The following CHFR variants were observed in gnomAD, a reference collection of about 807,000 sequenced individuals.
The protein encoded by CHFR is E3 ubiquitin-protein ligase CHFR.
A neutral mutation model predicts 87.6 loss-of-function variants in CHFR; 57 were observed. That is an observed-to-expected ratio of 0.65 (90% CI 0.53 to 0.81). The LOEUF (loss-of-function observed/expected upper bound fraction) is 0.81, where lower values mean the gene tolerates loss of function less well. Among genes scored for constraint, CHFR ranks in the 30% least tolerant of loss-of-function variants. CHFR has a pLI of 0.00. For missense variants in CHFR, 797 were observed against 865.8 expected (o/e 0.92, Z 1.00); for synonymous variants, 381 against 359.2 (o/e 1.06, Z -0.69).
rs374115787 is a variant in CHFR, at chr12:132,846,220, T to C, written c.1735+823A>G. ...CCACACCCACCCTCCCCTACAAGGA[T>C]AGAAGCTGCTGGAATATGTCATACA... is the stretch of plus-strand genomic sequence containing the variant. On this transcript the variant is annotated intron_variant, in intron 15 of 17. Coordinates refer to ENST00000450056, the MANE Select transcript of CHFR (RefSeq NM_001161346.2). Among the ~76,000 whole-genome samples the C allele has an allele frequency of 3.9e-4, 59 of 151,446 alleles. No homozygotes were observed. The East Asian group carries it at 6.5e-3, about 17-fold the overall frequency.
At position 132,848,134 on chromosome 12, in the gene CHFR, C is replaced by A. The variant is rs1233090445; in HGVS notation, c.1598G>T (p.Cys533Phe). 2 of 1,614,152 alleles carry A rather than the reference C, an allele frequency of 1.2e-6. No homozygotes were observed. The highest frequency in any genetic ancestry group is 1.7e-6 in the Non-Finnish European group (2 of 1,180,026). The change falls in exon 14 of 18, where the codon TGT becomes TTT. Residue 533 changes from cysteine (C) to phenylalanine (F), a missense_variant. Transcript: ENST00000450056. Reference sequence around the variant, plus strand: ...GTTGTTGTTCAGCACGCCGTCCAGACACTTGTCACCCAGGTTGAGCTCTGC... The same window carrying A: ...GTTGTTGTTCAGCACGCCGTCCAGAAACTTGTCACCCAGGTTGAGCTCTGC... ...PFCELNLGDK[C>F]LDGVLNNNSY...
At position 132,848,137 on chromosome 12, in the gene CHFR, T is replaced by C; in HGVS notation, c.1595A>G (p.Lys532Arg). The change falls in exon 14 of 18, where the codon AAG (lysine) becomes AGG (arginine). Residue 532 changes from lysine to arginine, a missense_variant. Around this residue, in one of 2 missense-constraint regions of CHFR, gnomAD observed 200 missense variants for 264.6 expected, o/e 0.76. Coordinates refer to ENST00000450056, the MANE Select transcript of CHFR (RefSeq NM_001161346.2). ...GTTGTTCAGCACGCCGTCCAGACAC[T>C]TGTCACCCAGGTTGAGCTCTGCCGA... Reference protein sequence around the residue: ...APFCELNLGDKCLDGVLNNNS... With the variant: ...APFCELNLGDRCLDGVLNNNS... The C allele has an allele frequency of 6.2e-7, 1 of 1,614,106 alleles. No individual in the cohort carries two copies. The highest frequency in any genetic ancestry group is 8.5e-7 in the Non-Finnish European group (1 of 1,180,018).
intron 6 of CHFR, among the ~76,000 whole-genome samples, chr12:132,865,033 G>C (rs1951303292): frequency 6.6e-6 from 1 of 152,194 alleles, no homozygotes; most frequent in Non-Finnish European, 1.5e-5. Flanking sequence ...CTTGGCCCTA[G>C]GGACATGGTA....
chr12:132,849,028 C>A, intron 12 of CHFR: 2 of 295,012 alleles, frequency 6.8e-6, no homozygotes, highest in Non-Finnish European at 1.3e-5. Context: ...CTCACTGCAA[C>A]CTCCGCCTCC....
In CHFR at chr12:132,859,121, C is replaced by T. The variant is rs1352413194; in HGVS notation, c.858G>A (p.Met286Ile). 6.2e-7 allele frequency: 1 copy of T among 1,614,180 alleles called. No individual in the cohort carries two copies. Among genetic ancestry groups the T allele is most frequent in the Admixed American group, 1.7e-5 (1 of 60,018 alleles). ...VRAAAGKPDKMEETLTCIICQ... is the reference protein window; with the variant it reads ...VRAAAGKPDKIEETLTCIICQ... ...AGATGATGCATGTCAGCGTCTCCTC[C>T]ATCTTGTCTGGCTTCCCAGCCGCTG... Residue 286 changes from methionine to isoleucine, a missense_variant, in exon 8 of 18, where the codon ATG (methionine) becomes ATA (isoleucine). Met to Ile is a conservative substitution (Grantham distance 10, BLOSUM62 1). Transcript: ENST00000450056.
chr12:132,863,545 A>C (rs917107805), intron 6 of CHFR, among the ~76,000 whole-genome samples: 4 of 152,240 alleles, frequency 2.6e-5, no homozygotes, highest in South Asian at 2.1e-4. Flanking sequence ...ACAAAAAAAA[A>C]CAGAAGTCTG....
intron 6 of CHFR, chr12:132,866,637 AAATGTTACAACACACCGG>A (rs1392864423): frequency 6.6e-6 from 1 of 151,698 alleles, no homozygotes; most frequent in African/African-American, 2.4e-5. Context: ...GCGTAACACC[AAATGTTACAACACACCGG>A]AATGTTACAA....
At chr12:132,852,604 G>A (rs1950972715) in intron 11 of CHFR, among the ~76,000 whole-genome samples, 1 of 152,230 alleles carries the variant, frequency 6.6e-6, no homozygotes, top group South Asian at 2.1e-4. Flanking sequence ...GGACCCCAGA[G>A]GGAGGCGCTG....
intron 7 of CHFR, among the ~76,000 whole-genome samples, chr12:132,859,801 G>A (rs930282447): frequency 3.3e-5 from 5 of 152,128 alleles, no homozygotes; most frequent in African/African-American, 1.2e-4. Context: ...CAGCACTTTG[G>A]GAGGCTGAGG....
chr12:132,859,130 T>A lies in CHFR; in HGVS notation c.849A>T (p.Pro283=). 7 of 1,613,974 alleles carry A rather than the reference T, an allele frequency of 4.3e-6. No individual in the cohort carries two copies. The highest frequency in any genetic ancestry group is 2.7e-5 in the African/African-American group (2 of 75,052). ...ATGTCAGCGTCTCCTCCATCTTGTC[T>A]GGCTTCCCAGCCGCTGCTCTGACGT... ...HEDVRAAAGK[P]DKMEETLTCI... The change falls in exon 8 of 18, where the codon CCA becomes CCT. Residue 283 remains proline (P), a synonymous_variant. Transcript: ENST00000450056.
chr12:132,861,366 C>T, intron 7 of CHFR, 101 bp downstream of exon 7: 1 of 1,230,772 alleles, frequency 8.1e-7, no homozygotes, highest in Non-Finnish European at 1.2e-6. Flanking sequence ...TCCACATGCC[C>T]CTGCAGGAAG....
chr12:132,848,716 A>G lies in CHFR; in HGVS notation c.1501T>C (p.Cys501Arg). The G allele has an allele frequency of 6.3e-7, 1 of 1,584,366 alleles. No individual in the cohort carries two copies. The highest frequency in any genetic ancestry group is 2.3e-5 in the East Asian group (1 of 43,250). Reference sequence around the variant, plus strand: ...TACAGGTGGCAGAAAGGCTGCAGGCAGACCGCACCTGTGGAGAGAGGACAC... The same window carrying G: ...TACAGGTGGCAGAAAGGCTGCAGGCGGACCGCACCTGTGGAGAGAGGACAC... ...PRVAPQQCAV[C>R]LQPFCHLYWG... The change falls in exon 13 of 18, where the codon TGC becomes CGC. Residue 501 changes from cysteine to arginine, a missense_variant. Coordinates refer to ENST00000450056, the MANE Select transcript of CHFR (RefSeq NM_001161346.2).
rs1478666759 is a variant in CHFR at position 132,832,635 on chromosome 12, T to C, written c.*8919A>G. 1 of 152,182 alleles carries C rather than the reference T, an allele frequency of 6.6e-6. No individual in the cohort carries two copies. Among genetic ancestry groups the C allele is most frequent in the African/African-American group, 2.4e-5 (1 of 41,460 alleles). The allele number at this position is 152,182 out of a possible 1,614,324, so 9.4% of individuals were successfully genotyped here. The stretch of plus-strand genomic sequence containing the variant: ...ACAGTAATTTAAAATTTTAAAAATT[T>C]AGCAAGCAAAATGTGACAAACATTA... On this transcript the variant is annotated 3_prime_UTR_variant, in exon 18 of 18. Transcript: ENST00000450056.
At position 132,861,595 on chromosome 12, in the gene CHFR, G is replaced by A. The variant is rs1951210512; in HGVS notation, c.623C>T (p.Pro208Leu). 1.2e-6 allele frequency: 2 copies of A among 1,614,116 alleles called. No individual in the cohort carries two copies. The highest frequency in any genetic ancestry group is 1.7e-6 in the Non-Finnish European group (2 of 1,180,030). Reference sequence around the variant, plus strand: ...GGAGACTTCATCACTTGCCACAGAGGGACCACTTCCTTTAGGGGAGATGCC... The same window carrying A: ...GGAGACTTCATCACTTGCCACAGAGAGACCACTTCCTTTAGGGGAGATGCC... ...GGGISPKGSG[P>L]SVASDEVSSF... The change falls in exon 7 of 18, where the codon CCC (proline) becomes CTC (leucine). Residue 208 changes from proline to leucine, a missense_variant. Pro to Leu is a moderately conservative substitution (Grantham distance 98, BLOSUM62 -3). Around this residue, in one of 2 missense-constraint regions of CHFR, gnomAD observed 597 missense variants for 601.2 expected, o/e 0.99. Transcript: ENST00000450056.
chr12:132,868,645 A>C (rs1951411432), intron 6 of CHFR, among the ~76,000 whole-genome samples: 1 of 152,268 alleles, frequency 6.6e-6, no homozygotes, highest in Non-Finnish European at 1.5e-5. Context: ...GCACCACTGC[A>C]CTCCAGCCTG....
chr12:132,855,892 C>A (rs990695254), intron 10 of CHFR, among the ~76,000 whole-genome samples: 29 of 152,004 alleles, frequency 1.9e-4, no homozygotes, highest in African/African-American at 6.8e-4. Context: ...AATATCATGG[C>A]CTCGACCCAA....
In CHFR at chr12:132,840,815, C is replaced by T. The variant is rs1012477120; in HGVS notation, c.*739G>A. ...AGGGAGCAGCATGTCCTGGGACCTGCGTCCAGCCCCAGGCTCGGGGCCGCG... is the reference window on the plus strand; with the variant it reads ...AGGGAGCAGCATGTCCTGGGACCTGTGTCCAGCCCCAGGCTCGGGGCCGCG... On this transcript the variant is annotated 3_prime_UTR_variant, in exon 18 of 18. Coordinates refer to ENST00000450056, the MANE Select transcript of CHFR (RefSeq NM_001161346.2). 3.3e-5 allele frequency: 5 copies of T among 152,422 alleles called. No individual in the cohort carries two copies. The highest frequency in any genetic ancestry group is 7.2e-5 in the African/African-American group (3 of 41,444). The allele number at this position is 152,422 out of a possible 1,614,324, so 9.4% of individuals were successfully genotyped here.
intron 8 of CHFR, among the ~76,000 whole-genome samples, chr12:132,857,760 C>T (rs911634801): frequency 3.3e-5 from 5 of 152,120 alleles, no homozygotes; most frequent in African/African-American, 4.8e-5. Flanking sequence ...AAGACAGAGG[C>T]GAGTAGATTA....
Position 132,856,633 on chromosome 12 carries a change from A to G in CHFR, c.1067-3T>C, listed in dbSNP as rs1951075359. 5.0e-6 allele frequency: 8 copies of G among 1,613,836 alleles called. No homozygotes were observed. The East Asian group carries it at 1.8e-4, about 36-fold the overall frequency. The stretch of plus-strand genomic sequence containing the variant: ...ATCTTCTTCACTGCGACTCTTGTCT[A>G]GAATTGAAAGGACACAGCGCCATTC... On this transcript the variant is annotated splice_region_variant and splice_polypyrimidine_tract_variant and intron_variant, in intron 9 of 17. Coordinates refer to ENST00000450056, the MANE Select transcript of CHFR (RefSeq NM_001161346.2).
Sources: allele counts gnomAD v4.1 joint callset (sites outside exome capture counted in the v4.1 genomes callset), GRCh38; gene constraint gnomAD v4.1.1; regional missense constraint gnomAD v4.1.1; transcripts MANE v1.5; gene names NCBI Gene and HGNC (gene_info 2026-07-23, HGNC 2026-07-21).